The following MKX variants were observed in gnomAD, a reference collection of about 807,000 sequenced individuals.
The protein encoded by MKX is homeobox protein Mohawk.
MKX carries 13 observed loss-of-function variants against 36.0 expected under a neutral mutation model. The ratio of observed to expected loss-of-function variants is 0.36; its 90% CI spans 0.24 to 0.57. The LOEUF (loss-of-function observed/expected upper bound fraction) is 0.57, where lower values mean the gene tolerates loss of function less well. MKX is among the 20% of genes least tolerant of loss of function. MKX has a pLI of 0.79. For missense variants in MKX, 458 were observed against 456.4 expected, an observed-to-expected ratio of 1.00 and a Z score of -0.03; for synonymous variants, 176 against 178.3, an observed-to-expected ratio of 0.99 and a Z score of 0.10.
intron 5 of MKX, among the ~76,000 whole-genome samples, chr10:27,709,470 C>G (rs1327865599): frequency 2.6e-5 from 4 of 152,170 alleles, no homozygotes; most frequent in Admixed American, 2.0e-4. Context: ...GATGACTGTA[C>G]TGTAGGGTAG....
At chr10:27,686,810 C>G (rs1836364111) in intron 5 of MKX, among the ~76,000 whole-genome samples, 1 of 152,064 alleles carries the variant, frequency 6.6e-6, no homozygotes, top group African/African-American at 2.4e-5. Context: ...AGTGTTGCTT[C>G]CAGCCATGAC....
At chr10:27,705,885 T>A (rs1836739260) in intron 5 of MKX, among the ~76,000 whole-genome samples, 1 of 152,212 alleles carries the variant, frequency 6.6e-6, no homozygotes, top group Non-Finnish European at 1.5e-5. Context: ...ATACATAACA[T>A]AAAATGTATC....
chr10:27,725,741 C>A (rs1419749041), intron 5 of MKX, among the ~76,000 whole-genome samples: 1 of 151,196 alleles, frequency 6.6e-6, no homozygotes, highest in African/African-American at 2.4e-5. Flanking sequence ...TTGTTATTTT[C>A]ATAGACAGTA....
intron 5 of MKX, among the ~76,000 whole-genome samples, chr10:27,696,161 T>A (rs1343307232): frequency 6.6e-6 from 1 of 152,176 alleles, no homozygotes; most frequent in East Asian, 1.9e-4. Flanking sequence ...ATTTGGGACC[T>A]CCGATATTGG....
At chr10:27,710,316 C>G (rs1836829212) in intron 5 of MKX, among the ~76,000 whole-genome samples, 1 of 152,350 alleles carries the variant, frequency 6.6e-6, no homozygotes, top group Admixed American at 6.5e-5. Flanking sequence ...TGGCCACATA[C>G]TTTGCTTCCT....
chr10:27,735,115 G>A (rs530497672), intron 4 of MKX, 106 bp downstream of exon 4: 50 of 1,094,910 alleles, frequency 4.6e-5, no homozygotes, highest in East Asian at 2.4e-4. Flanking sequence ...AAAAAGAACC[G>A]TTAAGGCACC....
chr10:27,711,427 T>TC (rs1554772133), intron 5 of MKX, among the ~76,000 whole-genome samples: 1 of 128,220 alleles, frequency 7.8e-6, no homozygotes, highest in African/African-American at 3.1e-5. Context: ...TTTCTTTCTT[T>TC]TCTCTTTCTT....
chr10:27,736,215 G>A (rs961401118), intron 3 of MKX, among the ~76,000 whole-genome samples: 32 of 152,146 alleles, frequency 2.1e-4, no homozygotes, highest in African/African-American at 6.3e-4. Context: ...AGTGGGATCT[G>A]TTCGCTTCCA....
intron 5 of MKX, among the ~76,000 whole-genome samples, chr10:27,710,028 A>G (rs1431310893): frequency 6.6e-6 from 1 of 152,206 alleles, no homozygotes; most frequent in African/African-American, 2.4e-5. Context: ...ATATTTAAAC[A>G]TATCTCAATT....
At chr10:27,684,488 G>A (rs907774499) in intron 5 of MKX, among the ~76,000 whole-genome samples, 1 of 152,140 alleles carries the variant, frequency 6.6e-6, no homozygotes, top group Admixed American at 6.5e-5. Flanking sequence ...ACATTTGAAT[G>A]TATGGCCTTC....
intron 5 of MKX, among the ~76,000 whole-genome samples, chr10:27,713,403 C>A (rs1318696091): frequency 6.6e-6 from 1 of 152,140 alleles, no homozygotes; most frequent in Non-Finnish European, 1.5e-5. Flanking sequence ...AGTCCATGTA[C>A]AAAAGGAAGT....
chr10:27,675,632 AC>A, intron 5 of MKX, 78 bp from the exon 6 acceptor site: 1 of 1,366,128 alleles, frequency 7.3e-7, no homozygotes, highest in Non-Finnish European at 1.0e-6. Flanking sequence ...ATCACTAATG[AC>A]CAGAAGTAAA....
intron 5 of MKX, among the ~76,000 whole-genome samples, chr10:27,707,167 A>G (rs1836771263): frequency 6.7e-6 from 1 of 149,220 alleles, no homozygotes; most frequent in African/African-American, 2.4e-5. Flanking sequence ...AAGCAAAAAG[A>G]TGTGCCCCAG....
At chr10:27,702,838 A>G (rs1180553526) in intron 5 of MKX, among the ~76,000 whole-genome samples, 2 of 152,202 alleles carry the variant, frequency 1.3e-5, no homozygotes, top group African/African-American at 4.8e-5. Flanking sequence ...AAAATCTCCT[A>G]TATTTTCTGG....
chr10:27,731,486 C>T (rs1288619086), intron 5 of MKX, among the ~76,000 whole-genome samples: 1 of 152,114 alleles, frequency 6.6e-6, no homozygotes, highest in Non-Finnish European at 1.5e-5. Flanking sequence ...CAAAGACAGC[C>T]ATTGATTGTT....
At position 27,741,381 on chromosome 10, in the gene MKX, T is replaced by C; in HGVS notation, c.312A>G (p.Ile104Met). The change falls in exon 3 of 7, where the codon ATA becomes ATG. Residue 104 changes from isoleucine to methionine, a missense_variant. Transcript: ENST00000419761. This position sits in a 1 kb window ranked among gnomAD's most constrained non-coding sequence, Gnocchi z 5.1. ...DNPYPTKTEK[I>M]LLALGSQMTL... ...TCATCTGCGAGCCGAGGGCCAAGAG[T>C]ATCTTCTCGGTCTTGGTGGGGTACG... The C allele has an allele frequency of 6.2e-7, 1 of 1,612,938 alleles. No individual in the cohort carries two copies. Among genetic ancestry groups the C allele is most frequent in the Non-Finnish European group, 8.5e-7 (1 of 1,179,540 alleles).
chr10:27,694,515 CT>C (rs1657995738), intron 5 of MKX, among the ~76,000 whole-genome samples: 1 of 24,626 alleles, frequency 4.1e-5, no homozygotes, highest in Admixed American at 5.1e-4. Flanking sequence ...CCCGTCTCTA[CT>C]AAAAAAAAAA....
chr10:27,729,583 A>G (rs1834577577), intron 5 of MKX, among the ~76,000 whole-genome samples: 1 of 151,970 alleles, frequency 6.6e-6, no homozygotes, highest in Admixed American at 6.6e-5. Flanking sequence ...CTGGGATTAC[A>G]GGCATGAGCC....
At chr10:27,717,703 A>T (rs1007333298) in intron 5 of MKX, among the ~76,000 whole-genome samples, 4 of 152,360 alleles carry the variant, frequency 2.6e-5, no homozygotes, top group South Asian at 4.1e-4. Flanking sequence ...TTAGCTAGAA[A>T]TTAGGTCTGG....
Sources: gnomAD v4.1 joint callset for allele counts (sites outside exome capture counted in the v4.1 genomes callset) on GRCh38, gnomAD v4.1.1 for gene constraint, Gnocchi (gnomAD v3.1) non-coding constraint, MANE v1.5 for transcripts, NCBI Gene and HGNC (gene_info 2026-07-23, HGNC 2026-07-21) for gene names.